SPRY4: variants seen among roughly 807,000 people sequenced by gnomAD.
The protein encoded by SPRY4 is protein sprouty homolog 4.
In SPRY4, 7 loss-of-function variants were observed where a neutral mutation model predicts 17.0. The ratio of observed to expected loss-of-function variants is 0.41; its 90% CI spans 0.23 to 0.77. The LOEUF is 0.77. Among genes scored for constraint, SPRY4 ranks in the 30% least tolerant of loss-of-function variants. The pLI is 0.32. For synonymous variants in SPRY4, 183 were observed against 174.1 expected, an observed-to-expected ratio of 1.05 and a Z score of -0.40; for missense variants, 435 against 419.9, an observed-to-expected ratio of 1.04 and a Z score of -0.31.
chr5:142,323,267 C>A (rs1042962004), intron 1 of SPRY4, among the ~76,000 whole-genome samples: 13 of 136,942 alleles, frequency 9.5e-5, no homozygotes, highest in African/African-American at 3.2e-4. Context: ...GTTAGTGCCT[C>A]GGTCAGCTAC....
intron 1 of SPRY4, among the ~76,000 whole-genome samples, chr5:142,316,136 G>A (rs946664422): frequency 1.3e-5 from 2 of 152,082 alleles, no homozygotes; most frequent in Non-Finnish European, 2.9e-5. Flanking sequence ...TCCAAGTGCT[G>A]AGCTGAACAT....
Position 142,315,072 on chromosome 5 carries a change from G to A in SPRY4, c.37C>T (p.Pro13Ser). The part of the protein sequence containing the change: ...PPIPQSAPLT[P>S]NSVMVQPLLD... ...AGGGGCTGGACCATGACTGAGTTGG[G>A]AGTCAAGGGGGCGCTCTGTGGGATC... Residue 13 changes from proline (P) to serine (S), a missense_variant, in exon 2 of 2, where the codon CCC (proline) becomes TCC (serine). Coordinates refer to ENST00000434127, the MANE Select transcript of SPRY4 (RefSeq NM_001127496.3). 6.2e-7 allele frequency: 1 copy of A among 1,613,288 alleles called. No individual in the cohort carries two copies. The highest frequency in any genetic ancestry group is 1.1e-5 in the South Asian group (1 of 91,066).
intron 1 of SPRY4, among the ~76,000 whole-genome samples, chr5:142,322,726 T>C (rs1409185404): frequency 1.3e-5 from 2 of 152,136 alleles, no homozygotes; most frequent in African/African-American, 2.4e-5. Context: ...AACAGATGCC[T>C]TTAAAGTCTG....
rs961630207 is a variant in SPRY4 at position 142,313,234 on chromosome 5, T to TTTATTA, written c.*969_*974dup. ...GGGTGGCCAAAAGGAAACAAGTTGT[T>TTTATTA]TTATTATTATTTTTTAAAACACCGT... On this transcript the variant is annotated 3_prime_UTR_variant, in exon 2 of 2. Coordinates refer to ENST00000434127, the MANE Select transcript of SPRY4 (RefSeq NM_001127496.3). 2.0e-5 allele frequency: 3 copies of TTTATTA among 152,614 alleles called. No individual in the cohort carries two copies. Among genetic ancestry groups the TTTATTA allele is most frequent in the Admixed American group, 2.0e-4 (3 of 15,284 alleles). 9.5% of individuals were successfully genotyped at this position (152,614 alleles called of 1,614,324 possible).
Position 142,314,682 on chromosome 5 carries a change from G to A in SPRY4, c.427C>T (p.Leu143Phe). The A allele has an allele frequency of 1.2e-6, 2 of 1,614,166 alleles. No individual in the cohort carries two copies. The highest frequency in any genetic ancestry group is 1.7e-6 in the Non-Finnish European group (2 of 1,180,022). The change falls in exon 2 of 2, where the codon CTC becomes TTC. Residue 143 changes from leucine to phenylalanine, a missense_variant. Leu to Phe is a conservative substitution (Grantham distance 22). Coordinates refer to ENST00000434127, the MANE Select transcript of SPRY4 (RefSeq NM_001127496.3). The surrounding 1 kb of genome is among the most constrained non-coding windows in gnomAD (Gnocchi z 4.8). ...TCGGGTGGGACCGCCGGGCCCTTGA[G>A]GTCCAGCGGCTGGCAGTGGACCACC... ...PKVVHCQPLD[L>F]KGPAVPPELD...
At chr5:142,320,338 C>G (rs1759304872) in intron 1 of SPRY4, among the ~76,000 whole-genome samples, 1 of 152,012 alleles carries the variant, frequency 6.6e-6, no homozygotes, top group Admixed American at 6.6e-5. Flanking sequence ...CCCCACCTCC[C>G]TACCCCCAGC....
chr5:142,322,425 C>G (rs1356143626), intron 1 of SPRY4, among the ~76,000 whole-genome samples: 1 of 150,332 alleles, frequency 6.7e-6, no homozygotes, highest in East Asian at 2.0e-4. Context: ...GAGCCAAGAT[C>G]GCGCAACTGC....
Position 142,322,486 on chromosome 5 carries a change from AT to A in SPRY4, c.-48+2357del, listed in dbSNP as rs1561654556. ...ACTCGTCTCAAGAAAAAAAAAAAAT[AT>A]ATATATATATATATAAATGAAAACG... On this transcript the variant is annotated intron_variant, in intron 1 of 1. Transcript: ENST00000434127. Among the ~76,000 whole-genome samples, 440 of 132,842 alleles carry A rather than the reference AT, an allele frequency of 3.3e-3. 4 individuals carry two copies. The highest frequency in any genetic ancestry group is 0.012 in the African/African-American group (416 of 33,872). The allele number at this position is 132,842 out of a possible 152,430, so 87.1% of individuals were successfully genotyped here.
chr5:142,317,788 C>T (rs1759208759), intron 1 of SPRY4: 1 of 985,228 alleles, frequency 1.0e-6, no homozygotes, highest in Admixed American at 6.1e-5. Context: ...GGAGCAGCCG[C>T]TGCAGGCAAT....
Position 142,315,078 on chromosome 5 carries a change from A to T in SPRY4, c.31T>A (p.Leu11Met). Residue 11 changes from leucine (L) to methionine (M), a missense_variant, in exon 2 of 2, where the codon TTG (leucine) becomes ATG (methionine). Coordinates refer to ENST00000434127, the MANE Select transcript of SPRY4 (RefSeq NM_001127496.3). Reference protein sequence around the residue: MEPPIPQSAPLTPNSVMVQPL... With the variant: MEPPIPQSAPMTPNSVMVQPL... ...TGGACCATGACTGAGTTGGGAGTCA[A>T]GGGGGCGCTCTGTGGGATCGGGGGC... 1 of 1,600,582 alleles carries T rather than the reference A, an allele frequency of 6.2e-7. No individual in the cohort carries two copies. The highest frequency in any genetic ancestry group is 8.5e-7 in the Non-Finnish European group (1 of 1,173,358).
At chr5:142,321,420 C>T (rs182682258) in intron 1 of SPRY4, among the ~76,000 whole-genome samples, 1 of 152,344 alleles carries the variant, frequency 6.6e-6, no homozygotes, top group East Asian at 1.9e-4. Flanking sequence ...GACAATACAG[C>T]TTTCTGAAAG....
intron 1 of SPRY4, among the ~76,000 whole-genome samples, chr5:142,323,248 G>C (rs530405702): frequency 6.7e-6 from 1 of 149,990 alleles, no homozygotes; most frequent in Non-Finnish European, 1.5e-5. Context: ...CGAGAGACTT[G>C]TCAGGGAGGT....
chr5:142,318,875 G>A (rs1759249690), intron 1 of SPRY4, among the ~76,000 whole-genome samples: 1 of 152,170 alleles, frequency 6.6e-6, no homozygotes, highest in South Asian at 2.1e-4. Flanking sequence ...AATTATGGAA[G>A]CGGCTAATAT....
At chr5:142,323,182 T>G (rs1395966229) in intron 1 of SPRY4, among the ~76,000 whole-genome samples, 1 of 152,204 alleles carries the variant, frequency 6.6e-6, no homozygotes, top group Non-Finnish European at 1.5e-5. Flanking sequence ...ATTAAGAGAT[T>G]GATAAACCCG....
At chr5:142,317,375 T>A in intron 1 of SPRY4, 1 of 985,330 alleles carries the variant, frequency 1.0e-6, no homozygotes, top group Non-Finnish European at 1.2e-6. Context: ...GGCCTAAGAA[T>A]TAAAAATGCC....
Position 142,314,181 on chromosome 5 carries a change from C to T in SPRY4, c.*28G>A, listed in dbSNP as rs772065888. 5.9e-5 allele frequency: 93 copies of T among 1,578,170 alleles called. No homozygotes were observed. The highest frequency in any genetic ancestry group is 7.5e-5 in the Non-Finnish European group (87 of 1,163,998). On this transcript the variant is annotated 3_prime_UTR_variant, in exon 2 of 2. Coordinates refer to ENST00000434127, the MANE Select transcript of SPRY4 (RefSeq NM_001127496.3). The surrounding 1 kb of genome is among the most constrained non-coding windows in gnomAD (Gnocchi z 4.8). ...GTCAGAAGAGAACCAGGTTTCCAGG[C>T]AGAGCACTGGGGCTTCGACACAAAC... is the stretch of plus-strand genomic sequence containing the variant.
rs771788749 is a variant in SPRY4 at position 142,315,119 on chromosome 5, G to A, written c.-11C>T. ...GATCGGGGGCTCCATGGGGCTGGAG[G>A]TCCTGGACTGTACGGAGAAACAGGC... On this transcript the variant is annotated 5_prime_UTR_variant, in exon 2 of 2. Transcript: ENST00000434127. 8 of 1,606,912 alleles carry A rather than the reference G, an allele frequency of 5.0e-6. No homozygotes were observed. Among genetic ancestry groups the A allele is most frequent in the Non-Finnish European group, 5.1e-6 (6 of 1,179,830 alleles).
intron 1 of SPRY4, among the ~76,000 whole-genome samples, chr5:142,322,658 A>T (rs920671596): frequency 6.6e-6 from 1 of 151,970 alleles, no homozygotes; most frequent in African/African-American, 2.4e-5. Flanking sequence ...GCTGGGCAGG[A>T]GGGCTAAGGG....
At position 142,317,977 on chromosome 5, in the gene SPRY4, T is replaced by G. The variant is rs1194206247; in HGVS notation, c.-47-2822A>C. 1.3e-5 allele frequency: 13 copies of G among 985,190 alleles called. No homozygotes were observed. The South Asian group carries it at 6.1e-4, about 46-fold the overall frequency. The allele number at this position is 985,190 out of a possible 1,614,324, so 61.0% of individuals were successfully genotyped here. A position where few individuals can be genotyped will look rare whatever the true frequency, so the allele number is the denominator to read the frequency against. On this transcript the variant is annotated intron_variant, in intron 1 of 1. Transcript: ENST00000434127. Reference sequence around the variant, plus strand: ...ATTCTAAAATGTATCTTCCCTATTATAACCCCGATGTAGTAGGATTCCTTT... The same window carrying G: ...ATTCTAAAATGTATCTTCCCTATTAGAACCCCGATGTAGTAGGATTCCTTT...
Sources: gnomAD v4.1 joint callset for allele counts (sites outside exome capture counted in the v4.1 genomes callset) on GRCh38, gnomAD v4.1.1 for gene constraint, Gnocchi (gnomAD v3.1) non-coding constraint, MANE v1.5 for transcripts, NCBI Gene and HGNC (gene_info 2026-07-23, HGNC 2026-07-21) for gene names.